AGTPBP1: variants seen among roughly 807,000 people sequenced by gnomAD.
AGTPBP1 encodes cytosolic carboxypeptidase 1.
A neutral mutation model predicts 143.9 loss-of-function variants in AGTPBP1; 70 were observed. That is an observed-to-expected ratio of 0.49 (90% CI 0.40 to 0.59). The LOEUF is 0.59. Among genes scored for constraint, AGTPBP1 ranks in the 20% least tolerant of loss-of-function variants. The pLI is 0.00. For synonymous variants in AGTPBP1, 463 were observed against 500.2 expected, an observed-to-expected ratio of 0.93 and a Z score of 0.99; for missense variants, 1,229 against 1,464.5, an observed-to-expected ratio of 0.84 and a Z score of 2.62.
intron 2 of AGTPBP1, among the ~76,000 whole-genome samples, chr9:85,700,984 C>G: frequency 6.6e-6 from 1 of 152,090 alleles, no homozygotes; most frequent in South Asian, 2.1e-4. Context: ...GTGGCGCAAT[C>G]TCGGCTCACT....
upstream of AGTPBP1, among the ~76,000 whole-genome samples, chr9:85,744,032 C>T (rs1486157662): frequency 2.7e-5 from 4 of 150,462 alleles, no homozygotes; most frequent in South Asian, 2.1e-4. Context: ...CTTAATGAAT[C>T]GTACTACCTC....
At chr9:85,613,023 C>T (rs905165548) in intron 17 of AGTPBP1, among the ~76,000 whole-genome samples, 2 of 151,974 alleles carry the variant, frequency 1.3e-5, no homozygotes, top group African/African-American at 4.8e-5. Context: ...ATAAATTCCA[C>T]ATCAGTGAAC....
At chr9:85,561,907 A>G (rs1288507710) in intron 25 of AGTPBP1, among the ~76,000 whole-genome samples, 1 of 149,064 alleles carries the variant, frequency 6.7e-6, no homozygotes, top group Non-Finnish European at 1.5e-5. Flanking sequence ...GTCTCGGCTC[A>G]CTGCAACTTC....
chr9:85,591,635 A>C (rs183665034), intron 19 of AGTPBP1, among the ~76,000 whole-genome samples: 9 of 152,332 alleles, frequency 5.9e-5, no homozygotes, highest in African/African-American at 2.2e-4. Context: ...TACTAAGCAC[A>C]GAAAGATATA....
At chr9:85,681,603 G>A (rs1013019121) in intron 3 of AGTPBP1, among the ~76,000 whole-genome samples, 3 of 152,016 alleles carry the variant, frequency 2.0e-5, no homozygotes, top group African/African-American at 4.8e-5. Context: ...TCTTAAAATC[G>A]ATAATATAGT....
At chr9:85,622,524 G>T (rs1299319038) in intron 14 of AGTPBP1, among the ~76,000 whole-genome samples, 1 of 151,022 alleles carries the variant, frequency 6.6e-6, no homozygotes, top group Non-Finnish European at 1.5e-5. Flanking sequence ...ATAAACAAAG[G>T]ATACTAAAAA....
chr9:85,715,058 T>G (rs1837617289), intron 1 of AGTPBP1, among the ~76,000 whole-genome samples: 1 of 151,814 alleles, frequency 6.6e-6, no homozygotes, highest in Non-Finnish European at 1.5e-5. Flanking sequence ...ACCAGCCTAG[T>G]AAACATGGTG....
intron 1 of AGTPBP1, among the ~76,000 whole-genome samples, chr9:85,713,180 T>TAA (rs1397557567): frequency 5.3e-5 from 8 of 152,344 alleles, no homozygotes; most frequent in Non-Finnish European, 8.8e-5. Flanking sequence ...TACCAATGCT[T>TAA]ACTGTAGCAG....
At chr9:85,605,585 A>G (rs1829942864) in intron 17 of AGTPBP1, among the ~76,000 whole-genome samples, 1 of 152,176 alleles carries the variant, frequency 6.6e-6, no homozygotes, top group African/African-American at 2.4e-5. Flanking sequence ...AACTACACAG[A>G]AATACACAGA....
At chr9:85,775,524 GAT>G in the AGTPBP1 span, among the ~76,000 whole-genome samples, 13 of 145,144 alleles carry the variant, frequency 9.0e-5, 1 homozygote, top group South Asian at 2.2e-3. Flanking sequence ...TCATATATAT[GAT>G]ATATATATAG....
In AGTPBP1 at chr9:85,657,586, T is replaced by C; in HGVS notation, c.758A>G (p.Tyr253Cys). The C allele has an allele frequency of 6.2e-7, 1 of 1,614,026 alleles. No homozygotes were observed. The highest frequency in any genetic ancestry group is 8.5e-7 in the Non-Finnish European group (1 of 1,179,936). ...GTTATCATGGCGGTGCCAATCTACA[T>C]AAATTGTTAAAAGCACTTGGACATA... ...RGYVQVLLTIYVDWHRHDNRH... is the reference protein window; with the variant it reads ...RGYVQVLLTICVDWHRHDNRH... Residue 253 changes from tyrosine (Y) to cysteine (C), a missense_variant, in exon 10 of 26, where the codon TAT (tyrosine) becomes TGT (cysteine). By Grantham distance (194) the Tyr-to-Cys change is radical. Coordinates refer to ENST00000357081, the MANE Select transcript of AGTPBP1 (RefSeq NM_001330701.2).
Position 85,642,752 on chromosome 9 carries a change from T to C in AGTPBP1, c.1302+75A>G, listed in dbSNP as rs571865587. 4.0e-5 allele frequency: 45 copies of C among 1,115,510 alleles called. No homozygotes were observed. The African/African-American group carries it at 6.0e-4, about 15-fold the overall frequency. The allele number at this position is 1,115,510 out of a possible 1,614,324, so 69.1% of individuals were successfully genotyped here. A position where few individuals can be genotyped will look rare whatever the true frequency, so the allele number is the denominator to read the frequency against. Reference sequence around the variant, plus strand: ...AGAAATGGAAAGAAAATAAAAACAGTGATTATCGACCTAAGGGAAAAAAAA... The same window carrying C: ...AGAAATGGAAAGAAAATAAAAACAGCGATTATCGACCTAAGGGAAAAAAAA... On this transcript the variant is annotated intron_variant, in intron 13 of 25. Transcript: ENST00000357081.
chr9:85,603,309 T>G (rs190430137), intron 17 of AGTPBP1, among the ~76,000 whole-genome samples: 6 of 152,286 alleles, frequency 3.9e-5, no homozygotes, highest in South Asian at 2.1e-4. Flanking sequence ...TCTTGTAACT[T>G]GGATACCAAC....
chr9:85,635,910 C>G (rs7025722), intron 13 of AGTPBP1, among the ~76,000 whole-genome samples: 37,077 of 151,702 alleles, frequency 0.24, 5,114 homozygotes, highest in East Asian at 0.53. Context: ...AAAGTAGCAC[C>G]ACTCACAAAC....
chr9:85,719,486 C>T (rs1234331516), intron 1 of AGTPBP1, among the ~76,000 whole-genome samples: 2 of 152,092 alleles, frequency 1.3e-5, no homozygotes, highest in Non-Finnish European at 2.9e-5. Context: ...TATAGGAATG[C>T]TTGTGATTTT....
At chr9:85,654,126 C>T (rs1301261534) in intron 11 of AGTPBP1, among the ~76,000 whole-genome samples, 1 of 152,020 alleles carries the variant, frequency 6.6e-6, no homozygotes, top group Non-Finnish European at 1.5e-5. Context: ...TCTCTTAAAA[C>T]ACTTGTTTCA....
chr9:85,751,602 G>C, the AGTPBP1 span, among the ~76,000 whole-genome samples: 1,647 of 152,066 alleles, frequency 0.011, 19 homozygotes, highest in Non-Finnish European at 0.015. Context: ...AAGGCACCAT[G>C]AACATTGCAC....
chr9:85,704,341 A>G lies in AGTPBP1; in HGVS notation c.32+8161T>C, dbSNP rs367947366. 3.9e-5 allele frequency among the ~76,000 whole-genome samples: 6 copies of G among 152,310 alleles called. No homozygotes were observed. The South Asian group carries it at 1.0e-3, about 26-fold the overall frequency. On this transcript the variant is annotated intron_variant, in intron 2 of 25. Transcript: ENST00000357081. ...CTCCCTCAAATACACAGCTGAATAC[A>G]GATCAGCGCAGGAGTGTAAGGAAAC...
chr9:85,571,290 T>C (rs1827444052), intron 25 of AGTPBP1, among the ~76,000 whole-genome samples: 1 of 152,020 alleles, frequency 6.6e-6, no homozygotes, highest in Non-Finnish European at 1.5e-5. Context: ...ATTCCAACCC[T>C]GAGATAAAGA....
Sources: gnomAD v4.1 joint callset for allele counts (sites outside exome capture counted in the v4.1 genomes callset) on GRCh38, gnomAD v4.1.1 for gene constraint, MANE v1.5 for transcripts, NCBI Gene and HGNC (gene_info 2026-07-23, HGNC 2026-07-21) for gene names.